HYDIN: variants seen among roughly 807,000 people sequenced by gnomAD.
HYDIN encodes the protein HYDIN axonemal central pair apparatus protein.
A neutral mutation model predicts 403.9 loss-of-function variants in HYDIN; 132 were observed. That is an observed-to-expected ratio of 0.33 (90% confidence interval 0.28 to 0.38). The LOEUF is 0.38. Ranked by LOEUF, HYDIN falls within the 10% of genes least tolerant of loss-of-function variation. The pLI, the probability that HYDIN is intolerant of heterozygous loss-of-function variation, is 1.00. For missense variants in HYDIN, 2,827 were observed against 5,009.5 expected (o/e 0.56, Z 13.15); for synonymous variants, 1,202 against 1,891.7 (o/e 0.64, Z 9.46).
chr16:71,137,576 A>C (rs1052618257), intron 7 of HYDIN, among the ~76,000 whole-genome samples: 4 of 152,148 alleles, frequency 2.6e-5, no homozygotes, highest in African/African-American at 9.6e-5. Flanking sequence ...TCATTGTAAG[A>C]AATATATAAA....
intron 11 of HYDIN, among the ~76,000 whole-genome samples, chr16:71,089,292 T>C (rs1311690954): frequency 6.6e-6 from 1 of 152,196 alleles, no homozygotes; most frequent in Non-Finnish European, 1.5e-5. Context: ...CTCAGTCTAC[T>C]GTCCCTACAA....
chr16:70,863,521 C>G (rs1052918652), intron 67 of HYDIN, among the ~76,000 whole-genome samples: 1 of 152,162 alleles, frequency 6.6e-6, no homozygotes, highest in African/African-American at 2.4e-5. Flanking sequence ...TTTCACAAGA[C>G]AGCACCTCCC....
intron 45 of HYDIN, among the ~76,000 whole-genome samples, chr16:70,928,255 G>C (rs536557382): frequency 6.6e-6 from 1 of 152,332 alleles, no homozygotes; most frequent in Non-Finnish European, 1.5e-5. Flanking sequence ...TTGAGCCCGG[G>C]AGTTTGAGAA....
At chr16:70,843,075 G>A (rs1359641758) in intron 75 of HYDIN, among the ~76,000 whole-genome samples, 1 of 149,476 alleles carries the variant, frequency 6.7e-6, no homozygotes, top group Non-Finnish European at 1.5e-5. Flanking sequence ...ATGTTTTAGG[G>A]TACATGTGCA....
chr16:71,205,476 C>A (rs1261117287), intron 1 of HYDIN, among the ~76,000 whole-genome samples: 1 of 152,200 alleles, frequency 6.6e-6, no homozygotes. Context: ...AGGCAGAGAG[C>A]CACCCCAGCA....
intron 21 of HYDIN, among the ~76,000 whole-genome samples, chr16:71,021,642 GTTC>G (rs1225264353): frequency 3.9e-5 from 6 of 152,094 alleles, no homozygotes; most frequent in Non-Finnish European, 4.4e-5. Flanking sequence ...TAGAAAGAGG[GTTC>G]TTTAGTATCA....
intron 78 of HYDIN, among the ~76,000 whole-genome samples, chr16:70,834,893 T>C (rs1363207811): frequency 2.0e-5 from 3 of 148,688 alleles, no homozygotes; most frequent in African/African-American, 7.4e-5. Flanking sequence ...TGTGTGTGTA[T>C]ATATATATAC....
chr16:71,199,251 T>A (rs1175254442), intron 1 of HYDIN, among the ~76,000 whole-genome samples: 1 of 152,196 alleles, frequency 6.6e-6, no homozygotes, highest in African/African-American at 2.4e-5. Context: ...CAGTTAAATG[T>A]TTTTACAAAT....
intron 23 of HYDIN, among the ~76,000 whole-genome samples, chr16:71,014,523 G>A (rs1414381241): frequency 4.6e-5 from 7 of 151,832 alleles, no homozygotes; most frequent in Non-Finnish European, 1.5e-5. Context: ...ACCATGATGA[G>A]TGCATCACCC....
At chr16:71,145,743 G>A (rs1328283755) in intron 7 of HYDIN, among the ~76,000 whole-genome samples, 1 of 152,158 alleles carries the variant, frequency 6.6e-6, no homozygotes, top group Non-Finnish European at 1.5e-5. Flanking sequence ...AGTTATATGG[G>A]AGATGAGACG....
At chr16:71,172,123 A>T (rs149079245) in intron 5 of HYDIN, among the ~76,000 whole-genome samples, 33 of 152,390 alleles carry the variant, frequency 2.2e-4, no homozygotes, top group African/African-American at 7.7e-4. Flanking sequence ...GAACATGTTA[A>T]CATTTTCTAC....
intron 41 of HYDIN, among the ~76,000 whole-genome samples, chr16:70,951,305 A>AGAG (rs1567892563): frequency 7.9e-5 from 12 of 151,762 alleles, no homozygotes; most frequent in African/African-American, 2.9e-4. Flanking sequence ...AGAGAGAGAG[A>AGAG]AACTTCACAA....
chr16:71,054,984 G>A lies in HYDIN; in HGVS notation c.2529+5520C>T, dbSNP rs561537220. ...TATATGTACATTTCAACACCCCTCT[G>A]CATAAAATGAAGTACATACAGTCAT... On this transcript the variant is annotated intron_variant, in intron 18 of 85. Transcript: ENST00000393567. Among the ~76,000 whole-genome samples, 4 of 152,394 alleles carry A rather than the reference G, an allele frequency of 2.6e-5. No homozygotes were observed. In the South Asian group the frequency reaches 8.3e-4, roughly 32 times the overall value.
intron 79 of HYDIN, 78 bp downstream of exon 79, chr16:70,833,809 T>A (rs2037177904): frequency 1.0e-6 from 1 of 984,058 alleles, no homozygotes; most frequent in Admixed American, 2.1e-5. Flanking sequence ...GTGATTGCAC[T>A]TGCAGAACAA....
At chr16:70,946,805 G>A (rs1370758604) in intron 41 of HYDIN, among the ~76,000 whole-genome samples, 1 of 152,184 alleles carries the variant, frequency 6.6e-6, no homozygotes, top group Non-Finnish European at 1.5e-5. Flanking sequence ...GTAAGTAGCT[G>A]AGGAGGCCAT....
intron 1 of HYDIN, among the ~76,000 whole-genome samples, chr16:71,210,557 C>T (rs3114644): frequency 0.064 from 9,790 of 152,022 alleles, 424 homozygotes; most frequent in Non-Finnish European, 0.099. Context: ...CTTTCAGGTA[C>T]TATGCTTAGA....
intron 18 of HYDIN, among the ~76,000 whole-genome samples, chr16:71,049,102 T>A (rs1197455195): frequency 1.3e-5 from 2 of 152,298 alleles, no homozygotes; most frequent in African/African-American, 4.8e-5. Context: ...AAACATCATA[T>A]GGGCCACAAG....
intron 28 of HYDIN, 140 bp downstream of exon 28, chr16:70,985,042 TTTA>T (rs2079147979): frequency 1.3e-6 from 1 of 783,302 alleles, no homozygotes; most frequent in Admixed American, 3.1e-5. Flanking sequence ...GTGGCTTGGA[TTTA>T]TTTTTTTTTT....
intron 29 of HYDIN, among the ~76,000 whole-genome samples, chr16:70,979,922 TCAAACAAA>T (rs531189209): frequency 2.4e-4 from 37 of 151,082 alleles, no homozygotes; most frequent in African/African-American, 5.4e-4. Flanking sequence ...AGACTCTGTA[TCAAACAAA>T]CAAACAAACA....
Sources: allele counts gnomAD v4.1 joint callset (sites outside exome capture counted in the v4.1 genomes callset), GRCh38; gene constraint gnomAD v4.1.1; transcripts MANE v1.5; gene names NCBI Gene and HGNC (gene_info 2026-07-23, HGNC 2026-07-21).